Variants in SHANK2 observed in about 807,000 individuals in gnomAD.
The protein encoded by SHANK2 is SH3 and multiple ankyrin repeat domains 2.
Under a neutral mutation model 133.7 loss-of-function variants are expected in SHANK2, and 43 were observed. The ratio of observed to expected loss-of-function variants is 0.32; its 90% confidence interval spans 0.25 to 0.41. The LOEUF (loss-of-function observed/expected upper bound fraction) is 0.41, where lower values mean the gene tolerates loss of function less well. Ranked by LOEUF, SHANK2 falls within the 10% of genes least tolerant of loss-of-function variation. The pLI is 1.00. For missense variants in SHANK2, 1,994 were observed against 2,235.8 expected (o/e 0.89, Z 2.18); for synonymous variants, 1,017 against 952.8 (o/e 1.07, Z -1.24).
chr11:70,565,317 T>C (rs1565134778), intron 17 of SHANK2, among the ~76,000 whole-genome samples: 1 of 152,222 alleles, frequency 6.6e-6, no homozygotes, highest in East Asian at 1.9e-4. Flanking sequence ...CGATCTCGGC[T>C]CACCGCAACC....
intron 12 of SHANK2, among the ~76,000 whole-genome samples, chr11:70,813,375 C>G (rs1360183340): frequency 1.3e-5 from 2 of 152,134 alleles, no homozygotes; most frequent in Non-Finnish European, 2.9e-5. Flanking sequence ...AGTGAACGAG[C>G]ACCAGCTCAC....
chr11:71,104,877 G>C lies in SHANK2; in HGVS notation c.592+5064C>G, dbSNP rs142728513. 2.0e-3 allele frequency among the ~76,000 whole-genome samples: 301 copies of C among 152,372 alleles called. 2 individuals are homozygous for C. Among genetic ancestry groups the C allele is most frequent in the African/African-American group, 6.8e-3 (283 of 41,598 alleles). ...CATCTGCGCTGTCTGCAGCCGACCTGTGGGTCTGCACTTGGCCTTCGGTTT... is the reference window on the plus strand; with the variant it reads ...CATCTGCGCTGTCTGCAGCCGACCTCTGGGTCTGCACTTGGCCTTCGGTTT... On this transcript the variant is annotated intron_variant, in intron 6 of 25. Coordinates refer to ENST00000601538, the MANE Select transcript of SHANK2 (RefSeq NM_012309.5).
chr11:70,852,905 G>A (rs530473721), intron 11 of SHANK2, among the ~76,000 whole-genome samples: 1 of 152,358 alleles, frequency 6.6e-6, no homozygotes, highest in East Asian at 1.9e-4. Context: ...TAGAGGCCAG[G>A]GGAGGGGTTG....
chr11:70,723,299 G>GTCTCTCTCTCTC (rs57815500), intron 14 of SHANK2, among the ~76,000 whole-genome samples: 6,581 of 145,712 alleles, frequency 0.045, 304 homozygotes, highest in African/African-American at 0.1. Flanking sequence ...TGGAGGGTCT[G>GTCTCTCTCTCTC]TCTCTCTCTC....
intron 25 of SHANK2, among the ~76,000 whole-genome samples, chr11:70,482,392 C>T (rs534025462): frequency 6.6e-6 from 1 of 152,224 alleles, no homozygotes; most frequent in Non-Finnish European, 1.5e-5. Flanking sequence ...AGAGCAGCCC[C>T]GCCCGCGGCA....
intron 10 of SHANK2, among the ~76,000 whole-genome samples, chr11:70,900,397 GTCT>G (rs1950006855): frequency 1.3e-5 from 2 of 151,926 alleles, no homozygotes; most frequent in African/African-American, 4.8e-5. Flanking sequence ...TGATGACTAT[GTCT>G]TCAAACACTG....
chr11:70,816,134 C>A (rs1565336771), intron 12 of SHANK2, among the ~76,000 whole-genome samples: 1 of 152,252 alleles, frequency 6.6e-6, no homozygotes, highest in Non-Finnish European at 1.5e-5. Flanking sequence ...GACGTTTCTG[C>A]AGAACCGAAG....
At chr11:70,802,186 C>G (rs1389229325) in intron 13 of SHANK2, among the ~76,000 whole-genome samples, 1 of 152,154 alleles carries the variant, frequency 6.6e-6, no homozygotes, top group Non-Finnish European at 1.5e-5. Flanking sequence ...ACCATGTCTG[C>G]TCCAACACAG....
In SHANK2 at chr11:71,209,738, C is replaced by T. The variant is rs1282309737; in HGVS notation, c.-13+14959G>A. Among the ~76,000 whole-genome samples, 2 of 152,226 alleles carry T rather than the reference C, an allele frequency of 1.3e-5. 1 individual carries two copies. The highest frequency in any genetic ancestry group is 4.8e-5 in the African/African-American group (2 of 41,456). ...CGTGTCCCTGGACTACCAAACAGCA[C>T]ATCTGCTCTGGAGGTGAGGGTCTTT... On this transcript the variant is annotated intron_variant, in intron 2 of 25. Coordinates refer to ENST00000601538, the MANE Select transcript of SHANK2 (RefSeq NM_012309.5).
intron 11 of SHANK2, among the ~76,000 whole-genome samples, chr11:70,824,836 C>T (rs1191225525): frequency 6.6e-6 from 1 of 152,218 alleles, no homozygotes; most frequent in Non-Finnish European, 1.5e-5. Context: ...AAAGACCTTG[C>T]AAAGGGCTGA....
intron 14 of SHANK2, among the ~76,000 whole-genome samples, chr11:70,731,389 G>A (rs1237531372): frequency 2.0e-5 from 3 of 152,178 alleles, no homozygotes; most frequent in Non-Finnish European, 2.9e-5. Context: ...GAAAGTCCAG[G>A]CTGACTGACA....
At chr11:70,570,370 C>T (rs535133660) in intron 17 of SHANK2, among the ~76,000 whole-genome samples, 8 of 152,192 alleles carry the variant, frequency 5.3e-5, no homozygotes, top group African/African-American at 1.7e-4. Context: ...CTAGGGTGCA[C>T]GCGTGGGTGC....
At chr11:70,543,047 CTCAACCGGCCTGGCGTGGGG>C (rs1260725266) in intron 17 of SHANK2, among the ~76,000 whole-genome samples, 1 of 152,172 alleles carries the variant, frequency 6.6e-6, no homozygotes, top group Non-Finnish European at 1.5e-5. Context: ...AGGCAGAGCC[CTCAACCGGCCTGGCGTGGGG>C]TGGCGGCTGA....
intron 14 of SHANK2, among the ~76,000 whole-genome samples, chr11:70,738,856 C>T (rs974712981): frequency 9.9e-5 from 15 of 152,242 alleles, no homozygotes; most frequent in African/African-American, 3.4e-4. Flanking sequence ...CGTCCATGCA[C>T]TGCCACCAGC....
chr11:70,923,407 T>A (rs1439337279), intron 10 of SHANK2, among the ~76,000 whole-genome samples: 1 of 151,990 alleles, frequency 6.6e-6, no homozygotes, highest in Non-Finnish European at 1.5e-5. Flanking sequence ...TATGGCCAGA[T>A]AATTTTTGTA....
At chr11:70,706,879 A>G (rs1434663296) in intron 14 of SHANK2, among the ~76,000 whole-genome samples, 1 of 152,172 alleles carries the variant, frequency 6.6e-6, no homozygotes, top group East Asian at 1.9e-4. Flanking sequence ...GGGCTGCTGG[A>G]AAGAGGATGC....
intron 10 of SHANK2, among the ~76,000 whole-genome samples, chr11:70,949,827 G>A (rs959426180): frequency 2.0e-5 from 3 of 152,360 alleles, no homozygotes; most frequent in South Asian, 2.1e-4. Flanking sequence ...CCACAGTCAT[G>A]AGGCACTGTC....
chr11:70,919,539 C>A (rs926767079), intron 10 of SHANK2, among the ~76,000 whole-genome samples: 5 of 152,116 alleles, frequency 3.3e-5, no homozygotes, highest in Non-Finnish European at 7.4e-5. Flanking sequence ...TGTACCACTA[C>A]ACCTGGCTAA....
intron 14 of SHANK2, among the ~76,000 whole-genome samples, chr11:70,789,801 C>T (rs1555047523): frequency 1.3e-5 from 2 of 152,224 alleles, no homozygotes; most frequent in Non-Finnish European, 2.9e-5. Flanking sequence ...CTACCTGTCT[C>T]TGGAGGATGG....
Sources: allele counts gnomAD v4.1 joint callset (sites outside exome capture counted in the v4.1 genomes callset), GRCh38; gene constraint gnomAD v4.1.1; transcripts MANE v1.5; gene names NCBI Gene and HGNC (gene_info 2026-07-23, HGNC 2026-07-21).